The following KCNIP4 variants were observed in gnomAD, a reference collection of about 807,000 sequenced individuals.
KCNIP4 encodes potassium voltage-gated channel interacting protein 4.
Under a neutral mutation model 34.0 loss-of-function variants are expected in KCNIP4, and 12 were observed. The ratio of observed to expected loss-of-function variants is 0.35; its 90% CI spans 0.23 to 0.57. The LOEUF (loss-of-function observed/expected upper bound fraction) is 0.57, where lower values mean the gene tolerates loss of function less well. Among genes scored for constraint, KCNIP4 ranks in the 20% least tolerant of loss-of-function variants. KCNIP4 has a pLI of 0.83. For synonymous variants in KCNIP4, 124 were observed against 102.2 expected, an observed-to-expected ratio of 1.21 and a Z score of -1.29; for missense variants, 238 against 311.7, an observed-to-expected ratio of 0.76 and a Z score of 1.78.
At chr4:21,899,326 T>C (rs974531118) in intron 1 of KCNIP4, among the ~76,000 whole-genome samples, 14 of 152,198 alleles carry the variant, frequency 9.2e-5, no homozygotes, top group African/African-American at 3.1e-4. Context: ...CCCCAGATGG[T>C]ATCACGCTGA....
intron 1 of KCNIP4, among the ~76,000 whole-genome samples, chr4:21,538,302 T>C (rs887076790): frequency 1.3e-5 from 2 of 152,144 alleles, no homozygotes; most frequent in Non-Finnish European, 2.9e-5. Flanking sequence ...CAGTTTGTGA[T>C]ACTTTGTTAT....
chr4:20,824,823 C>CT (rs11401969), intron 3 of KCNIP4, among the ~76,000 whole-genome samples: 115,138 of 151,976 alleles, frequency 0.76, 43,675 homozygotes, highest in South Asian at 0.84. Flanking sequence ...CTCATAATTG[C>CT]TTTTTTCTTT....
intron 1 of KCNIP4, among the ~76,000 whole-genome samples, chr4:21,787,007 T>G (rs1719959900): frequency 6.6e-6 from 1 of 152,138 alleles, no homozygotes; most frequent in Non-Finnish European, 1.5e-5. Context: ...GATAAATATG[T>G]GTATAGACAG....
chr4:21,060,250 G>A (rs1743796093), intron 1 of KCNIP4, among the ~76,000 whole-genome samples: 1 of 152,052 alleles, frequency 6.6e-6, no homozygotes, highest in Non-Finnish European at 1.5e-5. Context: ...AAATTGAGCT[G>A]ATTTATAACA....
At chr4:21,610,724 T>A (rs1207825339) in intron 1 of KCNIP4, among the ~76,000 whole-genome samples, 2 of 152,156 alleles carry the variant, frequency 1.3e-5, no homozygotes, top group Non-Finnish European at 2.9e-5. Flanking sequence ...GACTGGGTAA[T>A]TTATAAAAGA....
intron 1 of KCNIP4, among the ~76,000 whole-genome samples, chr4:21,669,877 G>T (rs908587594): frequency 3.3e-5 from 5 of 152,102 alleles, no homozygotes; most frequent in Non-Finnish European, 5.9e-5. Context: ...TACTGAAAAA[G>T]AATCTATTTG....
At chr4:20,992,578 C>A (rs1305573989) in intron 1 of KCNIP4, among the ~76,000 whole-genome samples, 1 of 152,136 alleles carries the variant, frequency 6.6e-6, no homozygotes, top group Non-Finnish European at 1.5e-5. Flanking sequence ...GTCTCCCTCC[C>A]TTTCTGCCTC....
intron 5 of KCNIP4, among the ~76,000 whole-genome samples, chr4:20,744,196 ACTG>A (rs1560425022): frequency 2.0e-5 from 3 of 151,696 alleles, no homozygotes; most frequent in African/African-American, 7.2e-5. Context: ...ATTGTGGAAG[ACTG>A]GTGACTCCTC....
chr4:21,071,347 T>C (rs1418325553), intron 1 of KCNIP4, among the ~76,000 whole-genome samples: 2 of 152,182 alleles, frequency 1.3e-5, no homozygotes, highest in Non-Finnish European at 2.9e-5. Flanking sequence ...TTTGAAAAGA[T>C]TATTATTCCT....
chr4:20,971,009 G>GA (rs894046051), intron 1 of KCNIP4, among the ~76,000 whole-genome samples: 2 of 152,162 alleles, frequency 1.3e-5, no homozygotes, highest in Non-Finnish European at 1.5e-5. Flanking sequence ...AGGCTTTCTG[G>GA]AAAAAATACC....
chr4:21,208,508 T>C (rs1451448673), intron 1 of KCNIP4, among the ~76,000 whole-genome samples: 1 of 152,202 alleles, frequency 6.6e-6, no homozygotes, highest in Non-Finnish European at 1.5e-5. Flanking sequence ...CTAACATGCT[T>C]CAACCACACC....
At chr4:21,676,860 ATAAT>A (rs1007331927) in intron 1 of KCNIP4, among the ~76,000 whole-genome samples, 8 of 152,274 alleles carry the variant, frequency 5.3e-5, no homozygotes, top group African/African-American at 1.7e-4. Context: ...ATAAAATTAC[ATAAT>A]TAATACTGCA....
intron 1 of KCNIP4, among the ~76,000 whole-genome samples, chr4:21,298,627 T>A (rs1270938285): frequency 6.6e-6 from 1 of 152,138 alleles, no homozygotes; most frequent in Non-Finnish European, 1.5e-5. Context: ...TTCTGTCTAT[T>A]TTCTTTTCAA....
intron 3 of KCNIP4, among the ~76,000 whole-genome samples, chr4:20,776,479 G>A (rs1440042290): frequency 2.0e-5 from 3 of 152,078 alleles, no homozygotes; most frequent in Non-Finnish European, 4.4e-5. Flanking sequence ...TTGTACTATA[G>A]ACCAACATAC....
intron 1 of KCNIP4, among the ~76,000 whole-genome samples, chr4:20,998,912 A>T (rs913833777): frequency 1.3e-5 from 2 of 152,348 alleles, no homozygotes; most frequent in African/African-American, 2.4e-5. Flanking sequence ...AGTGCCCAAC[A>T]TTGATGCAGG....
chr4:21,401,938 A>G (rs1723594263), intron 1 of KCNIP4, among the ~76,000 whole-genome samples: 1 of 152,168 alleles, frequency 6.6e-6, no homozygotes, highest in African/African-American at 2.4e-5. Flanking sequence ...ATAGTGAAAG[A>G]ATGGTGCTGA....
At chr4:21,129,838 A>G (rs750511834) in intron 1 of KCNIP4, among the ~76,000 whole-genome samples, 1 of 152,086 alleles carries the variant, frequency 6.6e-6, no homozygotes, top group African/African-American at 2.4e-5. Flanking sequence ...TGTTCTTGGG[A>G]TAAATGTGTC....
At chr4:20,838,180 C>T (rs1719300138) in intron 3 of KCNIP4, among the ~76,000 whole-genome samples, 2 of 152,102 alleles carry the variant, frequency 1.3e-5, no homozygotes, top group Non-Finnish European at 2.9e-5. Flanking sequence ...ACTTGATATG[C>T]ATTCAGTTCT....
intron 1 of KCNIP4, among the ~76,000 whole-genome samples, chr4:21,671,101 G>T (rs1160063509): frequency 6.7e-6 from 1 of 149,382 alleles, no homozygotes; most frequent in Non-Finnish European, 1.5e-5. Context: ...ATTCAGAGTT[G>T]ACTGAGCACC....
Sources: allele counts gnomAD v4.1 joint callset (sites outside exome capture counted in the v4.1 genomes callset), GRCh38; gene constraint gnomAD v4.1.1; transcripts MANE v1.5; gene names NCBI Gene and HGNC (gene_info 2026-07-23, HGNC 2026-07-21).